DPH6: variants seen among roughly 807,000 people sequenced by gnomAD.
DPH6 encodes diphthamine biosynthesis 6.
DPH6 carries 33 observed loss-of-function variants against 38.2 expected under a neutral mutation model. The observed-to-expected ratio is 0.86, with a 90% CI of 0.65 to 1.15. DPH6 has a LOEUF of 1.15. DPH6 is among the 50% of genes most tolerant of loss of function. The pLI is 0.00. For missense variants in DPH6, 325 were observed against 320.0 expected (o/e 1.02, Z -0.12); for synonymous variants, 108 against 103.0 (o/e 1.05, Z -0.30).
the DPH6 span, among the ~76,000 whole-genome samples, chr15:35,150,234 G>A: frequency 2.1e-3 from 315 of 152,232 alleles, no homozygotes; most frequent in South Asian, 4.8e-3. Context: ...TTACTCTTTC[G>A]GAGGTGACAG....
intron 6 of DPH6, among the ~76,000 whole-genome samples, chr15:35,382,481 G>A (rs2052884382): frequency 1.4e-5 from 2 of 146,340 alleles, no homozygotes; most frequent in African/African-American, 5.4e-5. Flanking sequence ...ACAAAATTAA[G>A]ATTATTGTAA....
At chr15:35,354,586 T>C (rs1362438963) in intron 3 of DPH6, among the ~76,000 whole-genome samples, 12 of 152,240 alleles carry the variant, frequency 7.9e-5, no homozygotes, top group Non-Finnish European at 7.3e-5. Context: ...ATTATGTTTA[T>C]TGATTTGCCT....
At chr15:35,195,680 T>C in the DPH6 span, among the ~76,000 whole-genome samples, 4 of 152,084 alleles carry the variant, frequency 2.6e-5, no homozygotes, top group Admixed American at 1.3e-4. Context: ...ATCCTCCAGG[T>C]TGGTAAAAGT....
Position 35,269,473 on chromosome 15 carries a change from T to C in DPH6, n.201-48891A>G, listed in dbSNP as rs554784227. On this transcript the variant is annotated intron_variant and non_coding_transcript_variant, in intron 3 of 3. Transcript: ENST00000560386. Reference sequence around the variant, plus strand: ...TTTAGGACTTCATTTTATTTTTAATTTTTTTATTTTTATTTTTTTTGAGAC... The same window carrying C: ...TTTAGGACTTCATTTTATTTTTAATCTTTTTATTTTTATTTTTTTTGAGAC... 2.6e-3 allele frequency among the ~76,000 whole-genome samples: 392 copies of C among 152,260 alleles called. 2 individuals carry two copies. The highest frequency in any genetic ancestry group is 8.9e-3 in the African/African-American group (370 of 41,568).
intron 3 of DPH6, among the ~76,000 whole-genome samples, chr15:35,478,028 A>G (rs2054282484): frequency 6.6e-6 from 1 of 151,902 alleles, no homozygotes; most frequent in African/African-American, 2.4e-5. Flanking sequence ...CAAACCTCTG[A>G]TACTTTTAAA....
chr15:35,271,899 T>G (rs2051824758), intron 3 of DPH6, among the ~76,000 whole-genome samples: 1 of 152,226 alleles, frequency 6.6e-6, no homozygotes, highest in Admixed American at 6.5e-5. Context: ...ACCACACAGC[T>G]GTGTTTAAAC....
chr15:35,218,834 T>C (rs1234539485), exon 4 of DPH6: 1 of 151,700 alleles, frequency 6.6e-6, no homozygotes, highest in Admixed American at 6.6e-5. Flanking sequence ...CTGAACCTGA[T>C]ATGATCACAG....
chr15:35,408,727 A>G (rs74447373), intron 6 of DPH6, among the ~76,000 whole-genome samples: 3,209 of 152,050 alleles, frequency 0.021, 104 homozygotes, highest in African/African-American at 0.074. Flanking sequence ...CTGGTAAATA[A>G]GGACTAAGAA....
the DPH6 span, among the ~76,000 whole-genome samples, chr15:35,150,021 TCTTGAATGTAGAATAC>T: frequency 1.3e-4 from 20 of 152,198 alleles, no homozygotes; most frequent in African/African-American, 4.8e-4. Flanking sequence ...CCCACACATC[TCTTGAATGTAGAATAC>T]CTGCACCAGC....
intron 6 of DPH6, among the ~76,000 whole-genome samples, chr15:35,404,737 A>C (rs1206959371): frequency 6.6e-6 from 1 of 152,074 alleles, no homozygotes; most frequent in Non-Finnish European, 1.5e-5. Flanking sequence ...ATGCAATCCC[A>C]TCTGTCCACT....
At chr15:35,394,210 T>C (rs1311749286) in intron 6 of DPH6, among the ~76,000 whole-genome samples, 2 of 152,196 alleles carry the variant, frequency 1.3e-5, no homozygotes, top group Non-Finnish European at 2.9e-5. Context: ...TATGCTATTC[T>C]GCTGCTGCTA....
chr15:35,294,176 T>C (rs1321150639), intron 3 of DPH6, among the ~76,000 whole-genome samples: 1 of 152,128 alleles, frequency 6.6e-6, no homozygotes, highest in African/African-American at 2.4e-5. Context: ...CCTATCCCCC[T>C]TTCCTCCTAC....
chr15:35,302,124 T>C (rs1355455616), intron 3 of DPH6, among the ~76,000 whole-genome samples: 4 of 152,096 alleles, frequency 2.6e-5, no homozygotes, highest in African/African-American at 9.7e-5. Context: ...TATCTAGAAC[T>C]AAGACAAATC....
At chr15:35,319,965 T>C (rs1253821004) in intron 3 of DPH6, among the ~76,000 whole-genome samples, 2 of 152,094 alleles carry the variant, frequency 1.3e-5, no homozygotes, top group Non-Finnish European at 2.9e-5. Flanking sequence ...AACAAATTCT[T>C]ATACTCTTTT....
chr15:35,178,435 C>T, the DPH6 span, among the ~76,000 whole-genome samples: 2 of 152,142 alleles, frequency 1.3e-5, no homozygotes, highest in African/African-American at 2.4e-5. Flanking sequence ...AGGAACTCTC[C>T]TTTACAAAAC....
intron 3 of DPH6, among the ~76,000 whole-genome samples, chr15:35,514,364 C>G (rs1450169771): frequency 6.6e-6 from 1 of 151,992 alleles, no homozygotes; most frequent in Non-Finnish European, 1.5e-5. Context: ...CATCTGAAAA[C>G]AAGTCCCTTG....
intron 5 of DPH6, among the ~76,000 whole-genome samples, chr15:35,428,943 TA>T (rs1305927078): frequency 6.6e-6 from 1 of 152,092 alleles, no homozygotes; most frequent in Non-Finnish European, 1.5e-5. Context: ...TAGAAAAACA[TA>T]AAAAAGAAAA....
At chr15:35,223,743 A>C (rs1377368304) in intron 3 of DPH6, among the ~76,000 whole-genome samples, 1 of 152,102 alleles carries the variant, frequency 6.6e-6, no homozygotes, top group East Asian at 1.9e-4. Context: ...TTTACACTAT[A>C]GCAATGAACC....
At chr15:35,445,812 C>T (rs1239924899) in intron 5 of DPH6, among the ~76,000 whole-genome samples, 1 of 152,208 alleles carries the variant, frequency 6.6e-6, no homozygotes, top group East Asian at 1.9e-4. Context: ...AGCCAACTTA[C>T]ATTGCCACTG....
Sources: gnomAD v4.1 joint callset for allele counts (sites outside exome capture counted in the v4.1 genomes callset) on GRCh38, gnomAD v4.1.1 for gene constraint, MANE v1.5 for transcripts, NCBI Gene and HGNC (gene_info 2026-07-23, HGNC 2026-07-21) for gene names.